DLGAP1: variants seen among roughly 807,000 people sequenced by gnomAD.
DLGAP1 encodes DLG associated protein 1.
DLGAP1 carries 11 observed loss-of-function variants against 90.8 expected under a neutral mutation model. That is an observed-to-expected ratio of 0.12 (90% CI 0.08 to 0.20). The LOEUF (loss-of-function observed/expected upper bound fraction) is 0.20, where lower values mean the gene tolerates loss of function less well. Among genes scored for constraint, DLGAP1 ranks in the 10% least tolerant of loss-of-function variants. The probability of loss-of-function intolerance (pLI) is 1.00; values close to 1 mark genes in which losing one functional copy is unlikely to be tolerated. For missense variants in DLGAP1, 1,050 were observed against 1,333.8 expected, an observed-to-expected ratio of 0.79 and a Z score of 3.31; for synonymous variants, 558 against 540.7, an observed-to-expected ratio of 1.03 and a Z score of -0.44.
chr18:4,056,465 G>C (rs191464008), intron 2 of DLGAP1, among the ~76,000 whole-genome samples: 121 of 152,306 alleles, frequency 7.9e-4, no homozygotes, highest in Admixed American at 2.2e-3. Context: ...CACAGCATGA[G>C]ATCTGGGTGG....
At chr18:4,152,306 T>C (rs2076688013) in intron 1 of DLGAP1, among the ~76,000 whole-genome samples, 1 of 152,240 alleles carries the variant, frequency 6.6e-6, no homozygotes, top group Admixed American at 6.5e-5. Flanking sequence ...TGTAGTGATA[T>C]TCAGAATTGA....
At chr18:4,252,990 A>G (rs577969877) in intron 1 of DLGAP1, among the ~76,000 whole-genome samples, 3 of 152,366 alleles carry the variant, frequency 2.0e-5, no homozygotes, top group Admixed American at 2.0e-4. Context: ...ATTTTTATCT[A>G]CAGGCCCAGG....
chr18:4,269,722 T>C (rs920953845), intron 1 of DLGAP1, among the ~76,000 whole-genome samples: 1 of 152,110 alleles, frequency 6.6e-6, no homozygotes, highest in Non-Finnish European at 1.5e-5. Context: ...ACATAGTCTA[T>C]AATTAATGTT....
chr18:3,839,765 A>C (rs2068610151), intron 4 of DLGAP1, among the ~76,000 whole-genome samples: 1 of 152,264 alleles, frequency 6.6e-6, no homozygotes, highest in South Asian at 2.1e-4. Context: ...CACTGAGAAC[A>C]ATAGAAAACA....
chr18:3,892,974 GAAGTA>G (rs1018451078), intron 3 of DLGAP1, among the ~76,000 whole-genome samples: 136 of 150,564 alleles, frequency 9.0e-4, no homozygotes, highest in Non-Finnish European at 9.4e-4. Flanking sequence ...ACATTGTGTA[GAAGTA>G]AAGGCTGGGC....
intron 1 of DLGAP1, among the ~76,000 whole-genome samples, chr18:4,426,648 A>G (rs1412029366): frequency 6.6e-6 from 1 of 152,242 alleles, no homozygotes; most frequent in African/African-American, 2.4e-5. Flanking sequence ...GTGGACAAGA[A>G]TATTACTACA....
chr18:3,894,018 C>A (rs182351449), intron 3 of DLGAP1, among the ~76,000 whole-genome samples: 1 of 152,076 alleles, frequency 6.6e-6, no homozygotes, highest in African/African-American at 2.4e-5. Flanking sequence ...TATATGTCTT[C>A]TTTTGAAAAA....
Position 3,534,440 on chromosome 18 carries a change from C to T in DLGAP1, c.2233G>A (p.Gly745Arg), listed in dbSNP as rs142778990. The T allele has an allele frequency of 6.2e-7, 1 of 1,614,044 alleles. No individual in the cohort carries two copies. Among genetic ancestry groups the T allele is most frequent in the African/African-American group, 1.3e-5 (1 of 74,932 alleles). The change falls in exon 10 of 13, where the codon GGA becomes AGA. Residue 745 changes from glycine to arginine, a missense_variant. This residue lies in a region of DLGAP1 where 565 missense variants were observed against 879.7 expected (regional missense o/e 0.64). Coordinates refer to ENST00000315677, the MANE Select transcript of DLGAP1 (RefSeq NM_004746.4). ...STSTVSIQGS[G>R]NHYHACAADD... is the part of the protein sequence containing the mutation. The stretch of plus-strand genomic sequence containing the variant: ...GCGGCACAGGCATGGTAATGGTTTC[C>T]TGAGCCCTGAATGCTGACTGTGGAG...
rs186765576 is a variant in DLGAP1, at chr18:4,383,032, C to A, written c.-267+71974G>T. Among the ~76,000 whole-genome samples the A allele has an allele frequency of 3.3e-5, 5 of 152,206 alleles. No individual in the cohort carries two copies. Among genetic ancestry groups the A allele is most frequent in the Middle Eastern group, 6.8e-3 (2 of 294 alleles). ...ATTCACAGAGGATAACCAGCCATGT[C>A]TTTCCATTACATTATCTTGCCTAAT... On this transcript the variant is annotated intron_variant, in intron 1 of 12. Transcript: ENST00000315677. The surrounding 1 kb of genome is among the most constrained non-coding windows in gnomAD (Gnocchi z 4.0).
intron 2 of DLGAP1, among the ~76,000 whole-genome samples, chr18:4,063,262 T>G (rs566712803): frequency 1.1e-3 from 169 of 152,234 alleles, no homozygotes; most frequent in African/African-American, 4.0e-3. Flanking sequence ...ATATTCAATA[T>G]TGGAGTTTAC....
intron 10 of DLGAP1, among the ~76,000 whole-genome samples, chr18:3,523,802 A>T (rs148019252): frequency 2.9e-4 from 44 of 150,760 alleles, no homozygotes; most frequent in Non-Finnish European, 4.3e-4. Flanking sequence ...GAGCTGAGAT[A>T]GCGCCACTGC....
At chr18:3,830,651 C>T (rs185423623) in intron 4 of DLGAP1, among the ~76,000 whole-genome samples, 30 of 152,268 alleles carry the variant, frequency 2.0e-4, no homozygotes, top group Non-Finnish European at 2.9e-4. Context: ...TTCCATAATG[C>T]CCGGCCTTGA....
At chr18:3,510,679 A>G (rs2050491052) in intron 10 of DLGAP1, among the ~76,000 whole-genome samples, 1 of 152,160 alleles carries the variant, frequency 6.6e-6, no homozygotes, top group Non-Finnish European at 1.5e-5. Context: ...TGACCAGGGT[A>G]CCTAGGTCTC....
chr18:3,867,578 G>A (rs2070477368), intron 4 of DLGAP1, among the ~76,000 whole-genome samples: 1 of 152,144 alleles, frequency 6.6e-6, no homozygotes, highest in South Asian at 2.1e-4. Context: ...CCTAGCATGG[G>A]CACAGTGTTC....
rs112787314 is a variant in DLGAP1 at position 3,688,059 on chromosome 18, A to G, written c.1591+41076T>C. Reference sequence around the variant, plus strand: ...GTAGCTGGAATTACAGGCATGCACCACCACGCCCAGCTAATTTTTGTATTT... The same window carrying G: ...GTAGCTGGAATTACAGGCATGCACCGCCACGCCCAGCTAATTTTTGTATTT... On this transcript the variant is annotated intron_variant, in intron 7 of 12. Transcript: ENST00000315677. 7.8e-3 allele frequency among the ~76,000 whole-genome samples: 1,190 copies of G among 152,104 alleles called. 13 individuals are homozygous for G. Among genetic ancestry groups the G allele is most frequent in the African/African-American group, 0.027 (1,139 of 41,496 alleles).
chr18:4,197,199 A>AG (rs1312015647), intron 1 of DLGAP1, among the ~76,000 whole-genome samples: 1 of 144,304 alleles, frequency 6.9e-6, no homozygotes, highest in Non-Finnish European at 1.5e-5. Flanking sequence ...AAAAAAAAAA[A>AG]AAAAAAAAAG....
In DLGAP1 at chr18:3,680,775, C is replaced by T. The variant is rs576875938; in HGVS notation, c.1591+48360G>A. ...CTGCACTCCAGCCTGGAAGACAGAG[C>T]GAGACTCCGTCTCAAAAAAAAAAAA... On this transcript the variant is annotated intron_variant, in intron 7 of 12. Transcript: ENST00000315677. Among the ~76,000 whole-genome samples, 309 of 123,402 alleles carry T rather than the reference C, an allele frequency of 2.5e-3. 2 individuals are homozygous for T. The highest frequency in any genetic ancestry group is 3.6e-3 in the Non-Finnish European group (230 of 64,564). The allele number at this position is 123,402 out of a possible 152,430, so 81.0% of individuals were successfully genotyped here.
At chr18:3,859,818 G>A (rs549053176) in intron 4 of DLGAP1, among the ~76,000 whole-genome samples, 1 of 152,150 alleles carries the variant, frequency 6.6e-6, no homozygotes, top group South Asian at 2.1e-4. Context: ...TTTGCGTTGT[G>A]GGCCAGGCAC....
intron 5 of DLGAP1, among the ~76,000 whole-genome samples, chr18:3,792,157 C>A (rs1327467673): frequency 6.6e-6 from 1 of 152,140 alleles, no homozygotes; most frequent in African/African-American, 2.4e-5. Context: ...CAGCAGCCCT[C>A]TTCCCTAACT....
Sources: allele counts gnomAD v4.1 joint callset (sites outside exome capture counted in the v4.1 genomes callset), GRCh38; gene constraint gnomAD v4.1.1; regional missense constraint gnomAD v4.1.1; non-coding constraint Gnocchi (gnomAD v3.1); transcripts MANE v1.5; gene names NCBI Gene and HGNC (gene_info 2026-07-23, HGNC 2026-07-21).